Variants in RYR3 observed in about 807,000 individuals in gnomAD.
RYR3 encodes the protein brain ryanodine receptor-calcium release channel.
RYR3 carries 207 observed loss-of-function variants against 584.3 expected under a neutral mutation model. The observed-to-expected ratio is 0.35, with a 90% CI of 0.32 to 0.40. The LOEUF is 0.40. Among genes scored for constraint, RYR3 ranks in the 10% least tolerant of loss-of-function variants. The probability of loss-of-function intolerance (pLI) is 1.00; values close to 1 mark genes in which losing one functional copy is unlikely to be tolerated. For missense variants in RYR3, 5,616 were observed against 6,089.2 expected (o/e 0.92, Z 2.59); for synonymous variants, 2,416 against 2,248.5 (o/e 1.07, Z -2.11).
rs148361122 is a variant in RYR3, at chr15:33,781,096, C to T, written c.9268+755C>T. On this transcript the variant is annotated intron_variant, in intron 65 of 103. Transcript: ENST00000634891. ...CTGGCCCTCTACAGGAAACGTTTTC[C>T]ACCCTCTTTTGTAAAATGATCCTGG... Among the ~76,000 whole-genome samples, 404 of 152,314 alleles carry T rather than the reference C, an allele frequency of 2.7e-3. 2 individuals are homozygous for T. The highest frequency in any genetic ancestry group is 9.4e-3 in the African/African-American group (389 of 41,560).
intron 60 of RYR3, among the ~76,000 whole-genome samples, chr15:33,759,113 G>A (rs56357702): frequency 0.014 from 2,114 of 152,212 alleles, 28 homozygotes; most frequent in Middle Eastern, 0.027. Context: ...CAACAAAAAC[G>A]ACACCCATGC....
At chr15:33,516,341 C>A (rs2053518280) in intron 3 of RYR3, among the ~76,000 whole-genome samples, 1 of 144,264 alleles carries the variant, frequency 6.9e-6, no homozygotes, top group African/African-American at 2.5e-5. Context: ...GTAAGATCTA[C>A]TTTTTTTTTT....
At chr15:33,407,399 C>T (rs1427960947) in intron 1 of RYR3, among the ~76,000 whole-genome samples, 1 of 152,084 alleles carries the variant, frequency 6.6e-6, no homozygotes. Flanking sequence ...CTGATGGAGA[C>T]GAGAGTGAAC....
intron 1 of RYR3, among the ~76,000 whole-genome samples, chr15:33,405,435 A>T (rs150895886): frequency 6.6e-6 from 1 of 152,304 alleles, no homozygotes; most frequent in Non-Finnish European, 1.5e-5. Context: ...ACCTGGGACT[A>T]TGGGAGGTTT....
Position 33,817,044 on chromosome 15 carries a change from T to C in RYR3, c.10599+86T>C, listed in dbSNP as rs1434809652. ...TGTGTGTGGTTGTAACAGTTAAACATTCACAAGGAATCGTGTGTATACAGT... is the reference window on the plus strand; with the variant it reads ...TGTGTGTGGTTGTAACAGTTAAACACTCACAAGGAATCGTGTGTATACAGT... On this transcript the variant is annotated intron_variant, in intron 75 of 103. Transcript: ENST00000634891. 4 of 797,524 alleles carry C rather than the reference T, an allele frequency of 5.0e-6. No homozygotes were observed. In the African/African-American group the frequency reaches 6.8e-5, roughly 14 times the overall value. 49.4% of individuals were successfully genotyped at this position (797,524 alleles called of 1,614,324 possible).
intron 21 of RYR3, among the ~76,000 whole-genome samples, chr15:33,629,699 T>C (rs2061173820): frequency 6.6e-6 from 1 of 152,218 alleles, no homozygotes. Flanking sequence ...TCGGAAAGTA[T>C]GTTCAAAATG....
chr15:33,437,115 AGAGT>A (rs1293151354), intron 1 of RYR3, among the ~76,000 whole-genome samples: 3 of 111,992 alleles, frequency 2.7e-5, no homozygotes, highest in East Asian at 2.5e-4. Flanking sequence ...AGAGAGAGAT[AGAGT>A]GTGTGTGTGT....
In RYR3 at chr15:33,838,053, T is replaced by G. The variant is rs1050843010; in HGVS notation, c.12073T>G (p.Phe4025Val). ...LDPAESVLNY[F>V]EPYLGRIEIM... ...CCCAGCAGAAAGTGTGCTAAATTAC[T>G]TCGAACCCTACCTAGGACGCATCGA... is the stretch of plus-strand genomic sequence containing the variant. Residue 4025 changes from phenylalanine (F) to valine (V), a missense_variant, in exon 89 of 104, where the codon TTC (phenylalanine) becomes GTC (valine). Around this residue, in one of 9 missense-constraint regions of RYR3, gnomAD observed 258 missense variants for 297.3 expected, o/e 0.87. Coordinates refer to ENST00000634891, the MANE Select transcript of RYR3 (RefSeq NM_001036.6). 1 of 1,613,852 alleles carries G rather than the reference T, an allele frequency of 6.2e-7. No homozygotes were observed. Among genetic ancestry groups the G allele is most frequent in the African/African-American group, 1.3e-5 (1 of 74,906 alleles).
At chr15:33,339,555 C>T (rs1971549112) in intron 1 of RYR3, among the ~76,000 whole-genome samples, 1 of 152,122 alleles carries the variant, frequency 6.6e-6, no homozygotes, top group African/African-American at 2.4e-5. Context: ...AAGATAGCCT[C>T]AGAAGGCAAG....
intron 1 of RYR3, among the ~76,000 whole-genome samples, chr15:33,346,598 T>A (rs964720389): frequency 6.6e-6 from 1 of 152,202 alleles, no homozygotes; most frequent in African/African-American, 2.4e-5. Context: ...ATTCTGTATC[T>A]ACTGTTGGAG....
intron 1 of RYR3, among the ~76,000 whole-genome samples, chr15:33,414,751 C>T (rs145152888): frequency 0.012 from 1,816 of 152,214 alleles, 40 homozygotes; most frequent in African/African-American, 0.038. Context: ...ACTATAGGCA[C>T]CCGCTAATTT....
At chr15:33,783,277 G>T (rs2074490940) in intron 65 of RYR3, among the ~76,000 whole-genome samples, 1 of 152,184 alleles carries the variant, frequency 6.6e-6, no homozygotes, top group Non-Finnish European at 1.5e-5. Context: ...CTGGTAGGAG[G>T]ATTGCACTTT....
intron 1 of RYR3, among the ~76,000 whole-genome samples, chr15:33,427,528 A>C (rs1402967253): frequency 6.6e-6 from 1 of 152,208 alleles, no homozygotes; most frequent in Admixed American, 6.5e-5. Flanking sequence ...TATTCTCTTC[A>C]GTGCAGGTTT....
chr15:33,699,602 C>T, intron 40 of RYR3, 102 bp from the exon 41 acceptor site: 1 of 1,023,840 alleles, frequency 9.8e-7, no homozygotes, highest in African/African-American at 1.6e-5. Flanking sequence ...GTTCATTTTT[C>T]CAAGTGTTCA....
At chr15:33,337,236 T>A (rs1971230962) in intron 1 of RYR3, among the ~76,000 whole-genome samples, 1 of 152,038 alleles carries the variant, frequency 6.6e-6, no homozygotes, top group African/African-American at 2.4e-5. Flanking sequence ...AACTTAGATG[T>A]TAGGTCAGAT....
chr15:33,741,435 G>T (rs2070091929), intron 51 of RYR3, among the ~76,000 whole-genome samples: 1 of 152,232 alleles, frequency 6.6e-6, no homozygotes, highest in Non-Finnish European at 1.5e-5. Context: ...AGTCTGATTT[G>T]CCCAGTCATA....
At chr15:33,687,381 G>A (rs899134762) in intron 38 of RYR3, among the ~76,000 whole-genome samples, 2 of 152,160 alleles carry the variant, frequency 1.3e-5, no homozygotes, top group East Asian at 1.9e-4. Context: ...TCTTCAAGGA[G>A]AACTACAAAC....
chr15:33,774,677 C>CA (rs2073870208), intron 64 of RYR3, among the ~76,000 whole-genome samples: 1 of 152,172 alleles, frequency 6.6e-6, no homozygotes, highest in Admixed American at 6.5e-5. Flanking sequence ...AATTGAGGAA[C>CA]TAATGGCTGC....
chr15:33,760,869 T>G (rs1163145276), intron 60 of RYR3, among the ~76,000 whole-genome samples: 1 of 152,036 alleles, frequency 6.6e-6, no homozygotes, highest in East Asian at 1.9e-4. Context: ...CCTCAGCAAA[T>G]GTAAAAGAAC....
Sources: allele counts gnomAD v4.1 joint callset (sites outside exome capture counted in the v4.1 genomes callset), GRCh38; gene constraint gnomAD v4.1.1; regional missense constraint gnomAD v4.1.1; transcripts MANE v1.5; gene names NCBI Gene and HGNC (gene_info 2026-07-23, HGNC 2026-07-21).